S1PR1: variants seen among roughly 807,000 people sequenced by gnomAD.
S1PR1 encodes sphingosine 1-phosphate receptor 1.
A neutral mutation model predicts 18.3 loss-of-function variants in S1PR1; 2 were observed. The observed-to-expected ratio is 0.11, with a 90% CI of 0.04 to 0.34. The LOEUF (loss-of-function observed/expected upper bound fraction) is 0.34, where lower values mean the gene tolerates loss of function less well. Ranked by LOEUF, S1PR1 falls within the 10% of genes least tolerant of loss-of-function variation. The pLI is 1.00. For missense variants in S1PR1, 335 were observed against 493.8 expected, an observed-to-expected ratio of 0.68 and a Z score of 3.05; for synonymous variants, 222 against 211.2, an observed-to-expected ratio of 1.05 and a Z score of -0.44.
At position 101,240,165 on chromosome 1, in the gene S1PR1, C is replaced by T; in HGVS notation, c.*32C>T. 2.5e-6 allele frequency: 4 copies of T among 1,611,012 alleles called. No individual in the cohort carries two copies. Among genetic ancestry groups the T allele is most frequent in the Non-Finnish European group, 3.4e-6 (4 of 1,178,884 alleles). On this transcript the variant is annotated 3_prime_UTR_variant, in exon 2 of 2. Coordinates refer to ENST00000305352, the MANE Select transcript of S1PR1 (RefSeq NM_001400.5). ...AAGCTGTCCACCCACCGGAAGCGCTCTTTACTTGGTCGCTGGCCACCCCAG... is the reference window on the plus strand; with the variant it reads ...AAGCTGTCCACCCACCGGAAGCGCTTTTTACTTGGTCGCTGGCCACCCCAG...
Position 101,240,243 on chromosome 1 carries a change from A to T in S1PR1, c.*110A>T. On this transcript the variant is annotated 3_prime_UTR_variant, in exon 2 of 2. Transcript: ENST00000305352. ...ACTGCTGCCAGGGAGGAGCTGCTGC[A>T]AGCCAGAGGGAGGAAGGGGGAGAAT... The T allele has an allele frequency of 8.5e-7, 1 of 1,174,924 alleles. No individual in the cohort carries two copies. 72.8% of individuals were successfully genotyped at this position (1,174,924 alleles called of 1,614,324 possible).
chr1:101,238,918 G>A lies in S1PR1; in HGVS notation c.-67G>A. 1.4e-6 allele frequency: 2 copies of A among 1,473,392 alleles called. No homozygotes were observed. Among genetic ancestry groups the A allele is most frequent in the Non-Finnish European group, 9.1e-7 (1 of 1,098,656 alleles). 91.3% of individuals were successfully genotyped at this position (1,473,392 alleles called of 1,614,324 possible). A position where few individuals can be genotyped will look rare whatever the true frequency, so the allele number is the denominator to read the frequency against. ...CCCTGAAGCCAGTGAAGGCTCTCTC[G>A]CCTCGCCCTCTAGCGTTCGTCTGGA... On this transcript the variant is annotated 5_prime_UTR_variant, in exon 2 of 2. Coordinates refer to ENST00000305352, the MANE Select transcript of S1PR1 (RefSeq NM_001400.5).
Position 101,239,769 on chromosome 1 carries a change from T to C in S1PR1, c.785T>C (p.Leu262Pro). 1 of 1,613,926 alleles carries C rather than the reference T, an allele frequency of 6.2e-7. No homozygotes were observed. The change falls in exon 2 of 2, where the codon CTG becomes CCG. Residue 262 changes from leucine to proline, a missense_variant. Around this residue, in one of 3 missense-constraint regions of S1PR1, gnomAD observed 214 missense variants for 366.6 expected, o/e 0.58. Transcript: ENST00000305352. The surrounding 1 kb of genome is among the most constrained non-coding windows in gnomAD (Gnocchi z 6.3). Reference sequence around the variant, plus strand: ...CTGCTCAAGACCGTAATTATCGTCCTGAGCGTCTTCATCGCCTGCTGGGCA... The same window carrying C: ...CTGCTCAAGACCGTAATTATCGTCCCGAGCGTCTTCATCGCCTGCTGGGCA... ...LALLKTVIIV[L>P]SVFIACWAPL... is the part of the protein sequence containing the mutation.
In S1PR1 at chr1:101,239,028, C is replaced by T. The variant is rs4987250; in HGVS notation, c.44C>T (p.Ser15Leu). 6.9e-5 allele frequency: 112 copies of T among 1,614,224 alleles called. No homozygotes were observed. In the East Asian group the frequency reaches 2.0e-3, roughly 30 times the overall value. The change falls in exon 2 of 2, where the codon TCG becomes TTG. Residue 15 changes from serine to leucine, a missense_variant. By Grantham distance (145) the Ser-to-Leu change is moderately radical. Around this residue, in one of 3 missense-constraint regions of S1PR1, gnomAD observed 31 missense variants for 29.6 expected, o/e 1.05. Transcript: ENST00000305352. The surrounding 1 kb of genome is among the most constrained non-coding windows in gnomAD (Gnocchi z 6.3). ...CCGCTGGTCAAGGCCCACCGCAGCT[C>T]GGTCTCTGACTACGTCAACTATGAT... ...SVPLVKAHRS[S>L]VSDYVNYDII... is the part of the protein sequence containing the mutation.
Position 101,240,116 on chromosome 1 carries a change from G to C in S1PR1, c.1132G>C (p.Val378Leu). The change falls in exon 2 of 2, where the codon GTC becomes CTC. Residue 378 changes from valine (V) to leucine (L), a missense_variant. Around this residue, in one of 3 missense-constraint regions of S1PR1, gnomAD observed 90 missense variants for 97.6 expected, o/e 0.92. Transcript: ENST00000305352. Reference sequence around the variant, plus strand: ...AGAGACCATTATGTCTTCTGGAAACGTCAACTCTTCTTCCTAGAACTGGAA... The same window carrying C: ...AGAGACCATTATGTCTTCTGGAAACCTCAACTCTTCTTCCTAGAACTGGAA... ...NPETIMSSGNVNSSS is the reference protein window; with the variant it reads ...NPETIMSSGNLNSSS 1 of 1,613,068 alleles carries C rather than the reference G, an allele frequency of 6.2e-7. No homozygotes were observed. Among genetic ancestry groups the C allele is most frequent in the Non-Finnish European group, 8.5e-7 (1 of 1,180,026 alleles).
intron 1 of S1PR1, among the ~76,000 whole-genome samples, chr1:101,237,342 G>A (rs1166672609): frequency 6.6e-6 from 1 of 152,168 alleles, no homozygotes; most frequent in Non-Finnish European, 1.5e-5. Flanking sequence ...GGAACCTACG[G>A]GTGTAGGGGC....
In S1PR1 at chr1:101,239,272, A is replaced by T; in HGVS notation, c.288A>T (p.Val96=). The change falls in exon 2 of 2, where the codon GTA becomes GTT. Residue 96 remains valine (V), a synonymous_variant. Transcript: ENST00000305352. The surrounding 1 kb of genome is among the most constrained non-coding windows in gnomAD (Gnocchi z 6.3). ...CCCTCTCAGACCTGTTGGCAGGAGTAGCCTACACAGCTAACCTGCTCTTGT... is the reference window on the plus strand; with the variant it reads ...CCCTCTCAGACCTGTTGGCAGGAGTTGCCTACACAGCTAACCTGCTCTTGT... ...NLALSDLLAG[V]AYTANLLLSG... The T allele has an allele frequency of 6.2e-7, 1 of 1,614,198 alleles. No individual in the cohort carries two copies. The highest frequency in any genetic ancestry group is 8.5e-7 in the Non-Finnish European group (1 of 1,180,042).
chr1:101,238,535 T>G (rs1652782113), intron 1 of S1PR1, among the ~76,000 whole-genome samples: 1 of 151,840 alleles, frequency 6.6e-6, no homozygotes, highest in South Asian at 2.1e-4. Flanking sequence ...CATCTTTTTT[T>G]TTTTGTCAAC....
In S1PR1 at chr1:101,240,217, G is replaced by T. The variant is rs778642474; in HGVS notation, c.*84G>T. The stretch of plus-strand genomic sequence containing the variant: ...GTTTGGAAAAAAATCTCTGGGCTTC[G>T]ACTGCTGCCAGGGAGGAGCTGCTGC... On this transcript the variant is annotated 3_prime_UTR_variant, in exon 2 of 2. Coordinates refer to ENST00000305352, the MANE Select transcript of S1PR1 (RefSeq NM_001400.5). 6.9e-7 allele frequency: 1 copy of T among 1,447,642 alleles called. No homozygotes were observed. The highest frequency in any genetic ancestry group is 2.0e-5 in the Admixed American group (1 of 50,642). The allele number at this position is 1,447,642 out of a possible 1,614,324, so 89.7% of individuals were successfully genotyped here.
In S1PR1 at chr1:101,240,477, G is replaced by T; in HGVS notation, c.*344G>T. ...CAAAGACTAATGTCCCCATGTGAAA[G>T]CGTCTCTTTGTCTGGAGCTTTGAGG... On this transcript the variant is annotated 3_prime_UTR_variant, in exon 2 of 2. Transcript: ENST00000305352. 3.3e-6 allele frequency: 1 copy of T among 304,816 alleles called. No homozygotes were observed. Among genetic ancestry groups the T allele is most frequent in the Non-Finnish European group, 6.5e-6 (1 of 154,468 alleles). 18.9% of individuals were successfully genotyped at this position (304,816 alleles called of 1,614,324 possible). A position where few individuals can be genotyped will look rare whatever the true frequency, so the allele number is the denominator to read the frequency against.
chr1:101,238,788 T>A, intron 1 of S1PR1, 34 bp from the exon 2 acceptor site: 1 of 598,514 alleles, frequency 1.7e-6, no homozygotes. Context: ...ATGCTGTGGC[T>A]CTTTCCCTGA....
At chr1:101,237,687 G>C (rs1652754805) in intron 1 of S1PR1, among the ~76,000 whole-genome samples, 1 of 152,176 alleles carries the variant, frequency 6.6e-6, no homozygotes, top group Non-Finnish European at 1.5e-5. Context: ...AGTCCTAGGA[G>C]AGGAGTCAAC....
In S1PR1 at chr1:101,240,156, G is replaced by A. The variant is rs757347571; in HGVS notation, c.*23G>A. On this transcript the variant is annotated 3_prime_UTR_variant, in exon 2 of 2. Coordinates refer to ENST00000305352, the MANE Select transcript of S1PR1 (RefSeq NM_001400.5). ...TAGAACTGGAAGCTGTCCACCCACC[G>A]GAAGCGCTCTTTACTTGGTCGCTGG... 1.2e-5 allele frequency: 19 copies of A among 1,612,540 alleles called. No homozygotes were observed. The highest frequency in any genetic ancestry group is 1.4e-5 in the Non-Finnish European group (17 of 1,179,736).
chr1:101,239,824 G>C lies in S1PR1; in HGVS notation c.840G>C (p.Val280=), dbSNP rs772560339. ...TCTTCATCCTGCTCCTGCTGGATGT[G>C]GGCTGCAAGGTGAAGACCTGTGACA... ...APLFILLLLD[V]GCKVKTCDIL... is the part of the protein sequence containing the mutation. The change falls in exon 2 of 2, where the codon GTG becomes GTC. Residue 280 remains valine, a synonymous_variant. Transcript: ENST00000305352. This position sits in a 1 kb window ranked among gnomAD's most constrained non-coding sequence, Gnocchi z 6.3. The C allele has an allele frequency of 1.2e-6, 2 of 1,613,546 alleles. No homozygotes were observed. The highest frequency in any genetic ancestry group is 1.7e-6 in the Non-Finnish European group (2 of 1,180,038).
chr1:101,241,086 G>T lies in S1PR1; in HGVS notation c.*953G>T, dbSNP rs1431793375. 1.2e-5 allele frequency: 2 copies of T among 167,090 alleles called. No individual in the cohort carries two copies. Among genetic ancestry groups the T allele is most frequent in the Admixed American group, 6.5e-5 (1 of 15,288 alleles). The allele number at this position is 167,090 out of a possible 1,614,324, so 10.4% of individuals were successfully genotyped here. A position where few individuals can be genotyped will look rare whatever the true frequency, so the allele number is the denominator to read the frequency against. ...TTGTTGATGTTTATTTCAGAATGTT[G>T]TGTGATTCATTTCAAGCAACAACAT... is the stretch of plus-strand genomic sequence containing the variant. On this transcript the variant is annotated 3_prime_UTR_variant, in exon 2 of 2. Transcript: ENST00000305352.
chr1:101,238,528 CT>C (rs66807270), intron 1 of S1PR1, among the ~76,000 whole-genome samples: 17,639 of 144,618 alleles, frequency 0.12, 1,117 homozygotes, highest in East Asian at 0.26. Context: ...TTTTCATCAT[CT>C]TTTTTTTTTT....
chr1:101,237,899 C>T (rs1443986887), intron 1 of S1PR1, among the ~76,000 whole-genome samples: 5 of 150,814 alleles, frequency 3.3e-5, no homozygotes, highest in African/African-American at 1.2e-4. Context: ...AATATTTATG[C>T]AATCAACTAA....
In S1PR1 at chr1:101,239,903, A is replaced by G. The variant is rs780607576; in HGVS notation, c.919A>G (p.Asn307Asp). Residue 307 changes from asparagine to aspartate, a missense_variant, in exon 2 of 2, where the codon AAC (asparagine) becomes GAC (aspartate). By Grantham distance (23) the Asn-to-Asp change is conservative. This residue lies in a region of S1PR1 where 214 missense variants were observed against 366.6 expected (regional missense o/e 0.58). Transcript: ENST00000305352. This position sits in a 1 kb window ranked among gnomAD's most constrained non-coding sequence, Gnocchi z 6.3. ...LVLAVLNSGTNPIIYTLTNKE... is the reference protein window; with the variant it reads ...LVLAVLNSGTDPIIYTLTNKE... The stretch of plus-strand genomic sequence containing the variant: ...GTTAGCTGTGCTCAACTCCGGCACC[A>G]ACCCCATCATTTACACTCTGACCAA... 3 of 1,613,818 alleles carry G rather than the reference A, an allele frequency of 1.9e-6. No individual in the cohort carries two copies. The African/African-American group carries it at 4.0e-5, about 22-fold the overall frequency.
downstream of S1PR1, among the ~76,000 whole-genome samples, chr1:101,241,846 AT>A (rs1252588569): frequency 6.6e-6 from 1 of 152,220 alleles, no homozygotes; most frequent in Non-Finnish European, 1.5e-5. Flanking sequence ...GTCATCAAAT[AT>A]GGGCTTTTAA....
Sources: allele counts gnomAD v4.1 joint callset (sites outside exome capture counted in the v4.1 genomes callset), GRCh38; gene constraint gnomAD v4.1.1; regional missense constraint gnomAD v4.1.1; non-coding constraint Gnocchi (gnomAD v3.1); transcripts MANE v1.5; gene names NCBI Gene and HGNC (gene_info 2026-07-23, HGNC 2026-07-21).